Variants in SOX13 observed in about 807,000 individuals in gnomAD.
SOX13 encodes the protein SRY-box transcription factor 13, also known as transcription factor SOX-13.
A neutral mutation model predicts 71.8 loss-of-function variants in SOX13; 28 were observed. The observed-to-expected ratio is 0.39, with a 90% CI of 0.29 to 0.53. The LOEUF is 0.53. SOX13 is among the 20% of genes least tolerant of loss of function. The pLI is 0.70. For synonymous variants in SOX13, 309 were observed against 317.8 expected, an observed-to-expected ratio of 0.97 and a Z score of 0.29; for missense variants, 627 against 810.3, an observed-to-expected ratio of 0.77 and a Z score of 2.75.
chr1:204,117,644 C>A lies in SOX13; in HGVS notation c.712C>A (p.Pro238Thr), dbSNP rs771210642. The A allele has an allele frequency of 4.3e-6, 7 of 1,613,858 alleles. No individual in the cohort carries two copies. Among genetic ancestry groups the A allele is most frequent in the Non-Finnish European group, 5.1e-6 (6 of 1,179,848 alleles). ...CCCAGCCTTCCCCCCAAGCCACCAA[C>A]CTCTGCCTGTCACCCCTGACTCCCA... ...MIPAFPPSHQPLPVTPDSQLA... is the reference protein window; with the variant it reads ...MIPAFPPSHQTLPVTPDSQLA... Residue 238 changes from proline to threonine, a missense_variant, in exon 7 of 14, where the codon CCT becomes ACT. Transcript: ENST00000367204.
chr1:204,095,058 G>T (rs1046900570), intron 1 of SOX13, among the ~76,000 whole-genome samples: 11 of 152,180 alleles, frequency 7.2e-5, no homozygotes, highest in Admixed American at 7.2e-4. Flanking sequence ...GGACCATTGT[G>T]CTGTGTCCTC....
chr1:204,120,019 C>T (rs1281902314), intron 7 of SOX13, among the ~76,000 whole-genome samples: 2 of 152,042 alleles, frequency 1.3e-5, no homozygotes, highest in East Asian at 3.9e-4. Context: ...GGCCCTGTCG[C>T]AAAACAGACA....
chr1:204,088,804 C>T (rs1028052362), intron 1 of SOX13, among the ~76,000 whole-genome samples: 15 of 152,166 alleles, frequency 9.9e-5, no homozygotes, highest in Admixed American at 2.6e-4. Flanking sequence ...GGGATCAGGA[C>T]ACCATGCCTG....
chr1:204,088,646 G>A (rs1254325333), intron 1 of SOX13, among the ~76,000 whole-genome samples: 1 of 152,152 alleles, frequency 6.6e-6, no homozygotes, highest in African/African-American at 2.4e-5. Flanking sequence ...AACAGAGTCA[G>A]TGTGGGGTAG....
At chr1:204,086,342 C>T (rs1022927722) in intron 1 of SOX13, among the ~76,000 whole-genome samples, 19 of 152,116 alleles carry the variant, frequency 1.2e-4, no homozygotes, top group Admixed American at 9.8e-4. Context: ...CTCGCTGTGT[C>T]GCCCAGGCTG....
intron 1 of SOX13, among the ~76,000 whole-genome samples, chr1:204,093,778 C>T (rs1008753301): frequency 1.3e-5 from 2 of 152,140 alleles, no homozygotes; most frequent in Admixed American, 1.3e-4. Context: ...GAGTTTTGTC[C>T]CTGAAGAAAA....
At chr1:204,112,527 A>ACACTCT (rs34093119) in intron 1 of SOX13, among the ~76,000 whole-genome samples, 1 of 147,790 alleles carries the variant, frequency 6.8e-6, no homozygotes, top group African/African-American at 2.5e-5. Flanking sequence ...ACACACACAC[A>ACACTCT]CTTTCTCTCT....
At position 204,073,779 on chromosome 1, in the gene SOX13, A is replaced by G. The variant is rs1164142926; in HGVS notation, c.-2+68A>G. On this transcript the variant is annotated intron_variant, in intron 1 of 13. Transcript: ENST00000367204. This position sits in a 1 kb window ranked among gnomAD's most constrained non-coding sequence, Gnocchi z 6.8. ...TTTCCCCAGCTCTCTGAAGTTTGACACTTGCGCCCCTACGTTTCTGGGCAC... is the reference window on the plus strand; with the variant it reads ...TTTCCCCAGCTCTCTGAAGTTTGACGCTTGCGCCCCTACGTTTCTGGGCAC... The G allele has an allele frequency of 6.6e-6, 1 of 152,112 alleles. No homozygotes were observed. Among genetic ancestry groups the G allele is most frequent in the African/African-American group, 2.4e-5 (1 of 41,408 alleles). The allele number at this position is 152,112 out of a possible 1,614,324, so 9.4% of individuals were successfully genotyped here.
chr1:204,087,986 C>G (rs927583621), intron 1 of SOX13, among the ~76,000 whole-genome samples: 1 of 152,168 alleles, frequency 6.6e-6, no homozygotes, highest in Non-Finnish European at 1.5e-5. Flanking sequence ...TGACTCTGTT[C>G]AGAACAAGTG....
chr1:204,126,106 A>T lies in SOX13; in HGVS notation c.1841A>T (p.Asp614Val). The T allele has an allele frequency of 6.2e-7, 1 of 1,613,906 alleles. No individual in the cohort carries two copies. Among genetic ancestry groups the T allele is most frequent in the South Asian group, 1.1e-5 (1 of 91,080 alleles). ...DEDSEGEEKS[D>V]GELVVLTD ...GACTCGGAGGGCGAAGAGAAGAGCG[A>T]TGGGGAGTTGGTGGTGCTCACAGAC... The change falls in exon 14 of 14, where the codon GAT becomes GTT. Residue 614 changes from aspartate to valine, a missense_variant. Asp to Val is a radical substitution (Grantham distance 152, BLOSUM62 -3). Around this residue, in one of 3 missense-constraint regions of SOX13, gnomAD observed 148 missense variants for 192.7 expected, o/e 0.77. Coordinates refer to ENST00000367204, the MANE Select transcript of SOX13 (RefSeq NM_005686.3).
At chr1:204,080,324 C>T (rs1335986135) in intron 1 of SOX13, among the ~76,000 whole-genome samples, 3 of 150,904 alleles carry the variant, frequency 2.0e-5, no homozygotes, top group Non-Finnish European at 4.4e-5. Flanking sequence ...TTACCCCCAA[C>T]ATTGTCCCCC....
intron 1 of SOX13, among the ~76,000 whole-genome samples, chr1:204,111,357 C>CA (rs1656576684): frequency 6.6e-6 from 1 of 152,232 alleles, no homozygotes; most frequent in Non-Finnish European, 1.5e-5. Context: ...GTAGCTGAGG[C>CA]AGGACCCATG....
rs1656838054 is a variant in SOX13 at position 204,122,870 on chromosome 1, G to A, written c.1041G>A (p.Gly347=). 6.4e-7 allele frequency: 1 copy of A among 1,564,142 alleles called. No individual in the cohort carries two copies. Among genetic ancestry groups the A allele is most frequent in the Non-Finnish European group, 8.7e-7 (1 of 1,153,480 alleles). Residue 347 remains glycine (G), a synonymous_variant, in exon 10 of 14, where the codon GGG becomes GGA. Coordinates refer to ENST00000367204, the MANE Select transcript of SOX13 (RefSeq NM_005686.3). ...CTCCCACAGGCTTCCTTGGTGAAGG[G>A]GACGCTGTCACCAAAGCCATCCAGG... The part of the protein sequence containing the change: ...PSLPLGFLGE[G]DAVTKAIQDA...
chr1:204,124,873 C>A lies in SOX13; in HGVS notation c.1592+16C>A. On this transcript the variant is annotated intron_variant, in intron 13 of 13. Transcript: ENST00000367204. The stretch of plus-strand genomic sequence containing the variant: ...ACGTGATCCCGTGAGCAGGCCCCCC[C>A]GCAGGCAGCCAGGAGACTGTGTGTA... 6.5e-7 allele frequency: 1 copy of A among 1,538,304 alleles called. No homozygotes were observed. Among genetic ancestry groups the A allele is most frequent in the South Asian group, 1.2e-5 (1 of 83,874 alleles).
chr1:204,105,098 A>G (rs1432339028), intron 1 of SOX13, among the ~76,000 whole-genome samples: 2 of 152,144 alleles, frequency 1.3e-5, no homozygotes, highest in African/African-American at 4.8e-5. Flanking sequence ...TATAAGCGCC[A>G]TGCTTTGAGC....
intron 7 of SOX13, 150 bp from the exon 8 acceptor site, chr1:204,121,750 A>C (rs1656809406): frequency 5.7e-6 from 4 of 700,336 alleles, no homozygotes; most frequent in Non-Finnish European, 1.0e-5. Context: ...GCCTCCAAGC[A>C]GTGCTTTGGG....
rs1656863751 is a variant in SOX13 at position 204,123,889 on chromosome 1, T to C, written c.1375+85T>C. On this transcript the variant is annotated intron_variant, in intron 12 of 13. Coordinates refer to ENST00000367204, the MANE Select transcript of SOX13 (RefSeq NM_005686.3). The surrounding 1 kb of genome is among the most constrained non-coding windows in gnomAD (Gnocchi z 5.0). ...TCTATTCAGGGCTTGCTTGGTGATA[T>C]TCCATACTGTGTTGGACTCCAGTGG... The C allele has an allele frequency of 4.1e-6, 6 of 1,478,106 alleles. No homozygotes were observed. Among genetic ancestry groups the C allele is most frequent in the Non-Finnish European group, 5.6e-6 (6 of 1,073,632 alleles). 91.6% of individuals were successfully genotyped at this position (1,478,106 alleles called of 1,614,324 possible).
At position 204,124,023 on chromosome 1, in the gene SOX13, G is replaced by A. The variant is rs1263379750; in HGVS notation, c.1375+219G>A. 2.0e-5 allele frequency among the ~76,000 whole-genome samples: 3 copies of A among 152,234 alleles called. No individual in the cohort carries two copies. In the East Asian group the frequency reaches 5.8e-4, roughly 29 times the overall value. On this transcript the variant is annotated intron_variant, in intron 12 of 13. Transcript: ENST00000367204. ...GCACCTGTCCTCAAGAACTCAAGGA[G>A]TGTGCGTGTGTGTGTGTTTACATTC...
chr1:204,097,373 T>A (rs1656272077), intron 1 of SOX13, among the ~76,000 whole-genome samples: 1 of 152,142 alleles, frequency 6.6e-6, no homozygotes, highest in Non-Finnish European at 1.5e-5. Flanking sequence ...TGTGTACTAT[T>A]AAGTGGGAGA....
Sources: allele counts gnomAD v4.1 joint callset (sites outside exome capture counted in the v4.1 genomes callset), GRCh38; gene constraint gnomAD v4.1.1; regional missense constraint gnomAD v4.1.1; non-coding constraint Gnocchi (gnomAD v3.1); transcripts MANE v1.5; gene names NCBI Gene and HGNC (gene_info 2026-07-23, HGNC 2026-07-21).